Variants in MACROD2 observed in about 807,000 individuals in gnomAD.
The protein encoded by MACROD2 is mono-ADP ribosylhydrolase 2.
Under a neutral mutation model 70.4 loss-of-function variants are expected in MACROD2, and 36 were observed. That is an observed-to-expected ratio of 0.51 (90% CI 0.39 to 0.68). MACROD2 has a LOEUF of 0.68. Ranked by LOEUF, MACROD2 falls within the 30% of genes least tolerant of loss-of-function variation. The pLI, the probability that MACROD2 is intolerant of heterozygous loss-of-function variation, is 0.00. For synonymous variants in MACROD2, 172 were observed against 178.8 expected (o/e 0.96, Z 0.30); for missense variants, 496 against 538.4 (o/e 0.92, Z 0.78).
chr20:15,301,551 T>C (rs529338653), intron 6 of MACROD2, among the ~76,000 whole-genome samples: 5 of 151,118 alleles, frequency 3.3e-5, no homozygotes, highest in Non-Finnish European at 7.4e-5. Context: ...TTAAGAATCT[T>C]ACTTATCAAT....
chr20:14,560,844 A>G (rs1979386260), intron 4 of MACROD2, among the ~76,000 whole-genome samples: 2 of 151,898 alleles, frequency 1.3e-5, no homozygotes, highest in Admixed American at 1.3e-4. Flanking sequence ...CTAATAAAAT[A>G]TATTGAATTT....
chr20:15,055,308 A>G (rs1186150234), intron 5 of MACROD2, among the ~76,000 whole-genome samples: 2 of 152,198 alleles, frequency 1.3e-5, no homozygotes, highest in Non-Finnish European at 2.9e-5. Context: ...TGGTAATATA[A>G]TACAAACAAA....
intron 3 of MACROD2, among the ~76,000 whole-genome samples, chr20:14,284,692 A>T (rs1262523780): frequency 1.3e-5 from 2 of 152,154 alleles, no homozygotes; most frequent in Admixed American, 1.3e-4. Flanking sequence ...AAATTGCATA[A>T]TACTTTCTAA....
chr20:14,374,453 A>C (rs1000778408), intron 3 of MACROD2, among the ~76,000 whole-genome samples: 6 of 152,180 alleles, frequency 3.9e-5, no homozygotes, highest in Non-Finnish European at 8.8e-5. Flanking sequence ...GGTCAAATAG[A>C]TTAATGATGT....
chr20:14,998,506 A>G (rs1173813368), intron 5 of MACROD2, among the ~76,000 whole-genome samples: 2 of 152,226 alleles, frequency 1.3e-5, no homozygotes, highest in Non-Finnish European at 2.9e-5. Context: ...GAGTCTCTCA[A>G]CAGCAGAACT....
intron 5 of MACROD2, among the ~76,000 whole-genome samples, chr20:14,774,314 C>G (rs988571249): frequency 3.9e-5 from 6 of 151,992 alleles, no homozygotes; most frequent in Non-Finnish European, 8.8e-5. Flanking sequence ...AATTTGCCAA[C>G]AGGTGACAAT....
intron 3 of MACROD2, among the ~76,000 whole-genome samples, chr20:14,144,606 A>G (rs981943840): frequency 2.0e-5 from 3 of 152,268 alleles, no homozygotes; most frequent in Non-Finnish European, 4.4e-5. Context: ...AACCAGGGAA[A>G]GAAAAAACAA....
chr20:15,871,338 A>C (rs2064580612), intron 9 of MACROD2, among the ~76,000 whole-genome samples: 1 of 152,274 alleles, frequency 6.6e-6, no homozygotes. Flanking sequence ...AAAAGCAAAC[A>C]AAAGAAAGTA....
At chr20:15,196,467 A>G (rs2076607239) in intron 5 of MACROD2, among the ~76,000 whole-genome samples, 1 of 152,206 alleles carries the variant, frequency 6.6e-6, no homozygotes, top group Admixed American at 6.5e-5. Flanking sequence ...TGGCTTAGAT[A>G]CAAAATTGGT....
chr20:14,719,009 A>G (rs1600582912), intron 5 of MACROD2, among the ~76,000 whole-genome samples: 1 of 152,248 alleles, frequency 6.6e-6, no homozygotes, highest in Non-Finnish European at 1.5e-5. Flanking sequence ...TGAGGCGGGC[A>G]GATCACGAGA....
intron 5 of MACROD2, among the ~76,000 whole-genome samples, chr20:14,795,929 C>G (rs1283540698): frequency 1.3e-5 from 2 of 151,936 alleles, no homozygotes; most frequent in Non-Finnish European, 1.5e-5. Context: ...GGGAGCCAAT[C>G]GAACTTGCAG....
chr20:15,827,896 A>G (rs2064014677), intron 8 of MACROD2, among the ~76,000 whole-genome samples: 2 of 152,240 alleles, frequency 1.3e-5, no homozygotes, highest in African/African-American at 4.8e-5. Flanking sequence ...CCCAGAATGC[A>G]TGGCTTCTGG....
chr20:15,708,309 A>T (rs1256413571), intron 8 of MACROD2, among the ~76,000 whole-genome samples: 1 of 152,140 alleles, frequency 6.6e-6, no homozygotes, highest in Non-Finnish European at 1.5e-5. Context: ...GAAAATAAGG[A>T]CTATGGAAGG....
intron 5 of MACROD2, among the ~76,000 whole-genome samples, chr20:14,958,324 G>T (rs1005715720): frequency 1.6e-4 from 24 of 152,246 alleles, no homozygotes; most frequent in African/African-American, 5.8e-4. Flanking sequence ...CTTGACATTG[G>T]CTCAGGACAA....
intron 8 of MACROD2, among the ~76,000 whole-genome samples, chr20:15,562,585 T>C (rs577527454): frequency 6.6e-6 from 1 of 152,304 alleles, no homozygotes; most frequent in African/African-American, 2.4e-5. Flanking sequence ...TCACTTTACT[T>C]TCTGTACATA....
chr20:15,603,894 A>G (rs1277909063), intron 8 of MACROD2, among the ~76,000 whole-genome samples: 1 of 152,092 alleles, frequency 6.6e-6, no homozygotes, highest in Admixed American at 6.5e-5. Context: ...AAAAAAATGT[A>G]TTGAACAATA....
At chr20:14,566,519 T>G (rs937649406) in intron 4 of MACROD2, 3 of 152,004 alleles carry the variant, frequency 2.0e-5, no homozygotes, top group Middle Eastern at 3.4e-3. Context: ...AAAAAGACAT[T>G]GCAACAATTT....
At chr20:15,268,578 G>A (rs1176221072) in intron 6 of MACROD2, among the ~76,000 whole-genome samples, 10 of 152,158 alleles carry the variant, frequency 6.6e-5, no homozygotes, top group African/African-American at 2.2e-4. Flanking sequence ...GCTTGAACCC[G>A]AAAGGCAGAG....
intron 8 of MACROD2, among the ~76,000 whole-genome samples, chr20:15,521,949 T>G (rs977081496): frequency 1.3e-5 from 2 of 152,208 alleles, no homozygotes; most frequent in Non-Finnish European, 2.9e-5. Context: ...CACAGGCCCT[T>G]CAGTGGTAGA....
Sources: allele counts gnomAD v4.1 joint callset (sites outside exome capture counted in the v4.1 genomes callset), GRCh38; gene constraint gnomAD v4.1.1; transcripts MANE v1.5; gene names NCBI Gene and HGNC (gene_info 2026-07-23, HGNC 2026-07-21).